The following PRKCA variants were observed in gnomAD, a reference collection of about 807,000 sequenced individuals.
PRKCA encodes protein kinase C alpha, also known as protein kinase C alpha type.
Under a neutral mutation model 87.0 loss-of-function variants are expected in PRKCA, and 27 were observed. That is an observed-to-expected ratio of 0.31 (90% CI 0.23 to 0.43). The LOEUF (loss-of-function observed/expected upper bound fraction) is 0.43. PRKCA is among the 20% of genes least tolerant of loss of function. PRKCA has a pLI of 1.00. For missense variants in PRKCA, 518 were observed against 852.3 expected, an observed-to-expected ratio of 0.61 and a Z score of 4.88; for synonymous variants, 329 against 311.1, an observed-to-expected ratio of 1.06 and a Z score of -0.61.
intron 13 of PRKCA, among the ~76,000 whole-genome samples, chr17:66,759,919 A>G (rs1342470684): frequency 6.6e-6 from 1 of 152,250 alleles, no homozygotes; most frequent in Non-Finnish European, 1.5e-5. Context: ...GAGCATTGAA[A>G]TACATACGGC....
Position 66,326,508 on chromosome 17 carries a change from G to A in PRKCA, c.205+20381G>A, listed in dbSNP as rs182864434. ...CAAAGATGCATGAAAATGGGTTTAC[G>A]TATAATCAAAGGTTAATTCAACTCT... On this transcript the variant is annotated intron_variant, in intron 2 of 16. Coordinates refer to ENST00000413366, the MANE Select transcript of PRKCA (RefSeq NM_002737.3). 1.4e-4 allele frequency among the ~76,000 whole-genome samples: 22 copies of A among 152,318 alleles called. No homozygotes were observed. The East Asian group carries it at 3.7e-3, about 25-fold the overall frequency.
At chr17:66,732,656 C>G (rs1598904743) in intron 8 of PRKCA, 32 bp from the exon 9 acceptor site, 5 of 1,613,350 alleles carry the variant, frequency 3.1e-6, no homozygotes, top group East Asian at 2.2e-5. Context: ...GAAAAATGAC[C>G]CACGTGTTTC....
intron 16 of PRKCA, among the ~76,000 whole-genome samples, chr17:66,791,105 G>T (rs1257473458): frequency 6.6e-6 from 1 of 151,072 alleles, no homozygotes; most frequent in Non-Finnish European, 1.5e-5. Context: ...CCATTAACTC[G>T]TCATTTAGCA....
intron 3 of PRKCA, among the ~76,000 whole-genome samples, chr17:66,568,458 C>T (rs752875454): frequency 2.0e-4 from 31 of 152,002 alleles, no homozygotes; most frequent in Admixed American, 9.8e-4. Flanking sequence ...AGCTTGAGTG[C>T]GGGTGCTGGG....
chr17:66,768,909 AT>A (rs1489652751), intron 13 of PRKCA, among the ~76,000 whole-genome samples: 1 of 152,054 alleles, frequency 6.6e-6, no homozygotes, highest in Non-Finnish European at 1.5e-5. Context: ...GTTTTAATGG[AT>A]TTTTTTCCTT....
intron 2 of PRKCA, among the ~76,000 whole-genome samples, chr17:66,400,650 G>T (rs1023724747): frequency 2.0e-5 from 3 of 152,196 alleles, no homozygotes; most frequent in Non-Finnish European, 4.4e-5. Flanking sequence ...AATTGAGATT[G>T]CTGGATTACA....
At chr17:66,335,397 A>G (rs576931040) in intron 2 of PRKCA, among the ~76,000 whole-genome samples, 9 of 152,122 alleles carry the variant, frequency 5.9e-5, no homozygotes, top group Middle Eastern at 3.4e-3. Flanking sequence ...GGCCTCTCAA[A>G]GTGCTGGGAT....
intron 13 of PRKCA, among the ~76,000 whole-genome samples, chr17:66,752,878 G>A (rs1974469820): frequency 6.6e-6 from 1 of 152,184 alleles, no homozygotes; most frequent in African/African-American, 2.4e-5. Flanking sequence ...GAACTGAACT[G>A]TGTTACTTCC....
intron 13 of PRKCA, among the ~76,000 whole-genome samples, chr17:66,766,496 G>C (rs1974814615): frequency 6.6e-6 from 1 of 152,142 alleles, no homozygotes; most frequent in African/African-American, 2.4e-5. Flanking sequence ...AGCCCTCACT[G>C]ATCCTTTACC....
intron 5 of PRKCA, among the ~76,000 whole-genome samples, chr17:66,661,455 CG>C (rs2143901326): frequency 6.6e-6 from 1 of 152,292 alleles, no homozygotes; most frequent in South Asian, 2.1e-4. Flanking sequence ...CCTTCTACTT[CG>C]ATGCTCCTTT....
At chr17:66,691,803 G>A (rs1972792930) in intron 8 of PRKCA, among the ~76,000 whole-genome samples, 1 of 152,218 alleles carries the variant, frequency 6.6e-6, no homozygotes, top group South Asian at 2.1e-4. Flanking sequence ...GGGAGGAACA[G>A]CACGGGCGTT....
intron 2 of PRKCA, among the ~76,000 whole-genome samples, chr17:66,472,927 C>T (rs2144021543): frequency 6.6e-6 from 1 of 152,276 alleles, no homozygotes; most frequent in East Asian, 1.9e-4. Context: ...CTCTGCCAGA[C>T]TTTAGTCAGA....
intron 10 of PRKCA, among the ~76,000 whole-genome samples, chr17:66,737,644 T>C (rs1392157689): frequency 6.6e-6 from 1 of 152,230 alleles, no homozygotes; most frequent in Non-Finnish European, 1.5e-5. Context: ...TGTGTAGCAG[T>C]GGCCGCGGAG....
chr17:66,400,009 C>T lies in PRKCA; in HGVS notation c.205+93882C>T, dbSNP rs186287095. Among the ~76,000 whole-genome samples, 307 of 152,174 alleles carry T rather than the reference C, an allele frequency of 2.0e-3. 4 individuals are homozygous for T. Among genetic ancestry groups the T allele is most frequent in the East Asian group, 1.4e-3 (7 of 5,182 alleles). On this transcript the variant is annotated intron_variant, in intron 2 of 16. Coordinates refer to ENST00000413366, the MANE Select transcript of PRKCA (RefSeq NM_002737.3). The stretch of plus-strand genomic sequence containing the variant: ...CATCATGTTGGTACTTAAAAAGTTT[C>T]GAATTTTGGAGCATTTCAGATTTCA...
At chr17:66,547,376 A>G (rs916096064) in intron 3 of PRKCA, among the ~76,000 whole-genome samples, 3 of 152,062 alleles carry the variant, frequency 2.0e-5, no homozygotes, top group Non-Finnish European at 2.9e-5. Context: ...GTTTTACTGG[A>G]TAATTTGTCT....
At chr17:66,541,954 C>G (rs1968002408) in intron 3 of PRKCA, among the ~76,000 whole-genome samples, 1 of 152,144 alleles carries the variant, frequency 6.6e-6, no homozygotes, top group African/African-American at 2.4e-5. Context: ...CACATTTGTT[C>G]TATGTAAGGC....
In PRKCA at chr17:66,390,904, C is replaced by T. The variant is rs182916887; in HGVS notation, c.205+84777C>T. ...AGTCAACGCTGGGGCCATCAGCATG[C>T]GAAGCAAAGGAACCAAGTAGCAGAG... is the stretch of plus-strand genomic sequence containing the variant. On this transcript the variant is annotated intron_variant, in intron 2 of 16. Transcript: ENST00000413366. 3.6e-4 allele frequency among the ~76,000 whole-genome samples: 28 copies of T among 77,750 alleles called. No homozygotes were observed. The East Asian group carries it at 7.0e-3, about 19-fold the overall frequency. 51.0% of individuals were successfully genotyped at this position (77,750 alleles called of 152,430 possible). A position where few individuals can be genotyped will look rare whatever the true frequency, so the allele number is the denominator to read the frequency against.
chr17:66,440,314 C>T (rs1913666286), intron 2 of PRKCA, among the ~76,000 whole-genome samples: 1 of 152,324 alleles, frequency 6.6e-6, no homozygotes, highest in South Asian at 2.1e-4. Flanking sequence ...ATCCTTTGTA[C>T]CTGAAGAGTG....
Position 66,792,138 on chromosome 17 carries a change from T to G in PRKCA, c.1854+3159T>G, listed in dbSNP as rs1310938839. On this transcript the variant is annotated intron_variant, in intron 16 of 16. Transcript: ENST00000413366. This position sits in a 1 kb window ranked among gnomAD's most constrained non-coding sequence, Gnocchi z 4.5. ...CAACCTTTTCTGTCTTGGTGAAGTCTGCCTGATGGTTTTTTAGCAAGCGCT... is the reference window on the plus strand; with the variant it reads ...CAACCTTTTCTGTCTTGGTGAAGTCGGCCTGATGGTTTTTTAGCAAGCGCT... Among the ~76,000 whole-genome samples the G allele has an allele frequency of 6.6e-6, 1 of 152,178 alleles. No individual in the cohort carries two copies. The highest frequency in any genetic ancestry group is 1.5e-5 in the Non-Finnish European group (1 of 68,020).
Sources: allele counts gnomAD v4.1 joint callset (sites outside exome capture counted in the v4.1 genomes callset), GRCh38; gene constraint gnomAD v4.1.1; non-coding constraint Gnocchi (gnomAD v3.1); transcripts MANE v1.5; gene names NCBI Gene and HGNC (gene_info 2026-07-23, HGNC 2026-07-21).